BRAF: variants seen among roughly 807,000 people sequenced by gnomAD.
BRAF encodes the protein serine/threonine-protein kinase B-raf.
A neutral mutation model predicts 104.6 loss-of-function variants in BRAF; 16 were observed. The ratio of observed to expected loss-of-function variants is 0.15; its 90% CI spans 0.10 to 0.23. BRAF has a LOEUF of 0.23. Among genes scored for constraint, BRAF ranks in the 10% least tolerant of loss-of-function variants. The pLI, the probability that BRAF is intolerant of heterozygous loss-of-function variation, is 1.00. For missense variants in BRAF, 541 were observed against 937.3 expected (o/e 0.58, Z 5.52); for synonymous variants, 310 against 341.6 (o/e 0.91, Z 1.02).
At position 140,721,987 on chromosome 7, in the gene BRAF, T is replaced by A. The variant is rs1795346186; in HGVS notation, c.*4507A>T. 6 of 1,191,180 alleles carry A rather than the reference T, an allele frequency of 5.0e-6. No homozygotes were observed. The highest frequency in any genetic ancestry group is 6.2e-6 in the Non-Finnish European group (6 of 962,386). 73.8% of individuals were successfully genotyped at this position (1,191,180 alleles called of 1,614,324 possible). On this transcript the variant is annotated 3_prime_UTR_variant, in exon 20 of 20. Coordinates refer to ENST00000644969, the MANE Select transcript of BRAF (RefSeq NM_001374258.1). ...TGGAAACTGATAAAACCAAATTCGGTCCTATATTTCAATTTCCCCTTCTAA... is the reference window on the plus strand; with the variant it reads ...TGGAAACTGATAAAACCAAATTCGGACCTATATTTCAATTTCCCCTTCTAA...
chr7:140,856,134 A>G (rs1809752570), intron 1 of BRAF, among the ~76,000 whole-genome samples: 1 of 149,442 alleles, frequency 6.7e-6, no homozygotes, highest in Admixed American at 6.7e-5. Flanking sequence ...TATATATATT[A>G]AAAGCAAGAA....
intron 3 of BRAF, among the ~76,000 whole-genome samples, chr7:140,814,140 T>C (rs1043344687): frequency 5.3e-5 from 8 of 152,170 alleles, no homozygotes; most frequent in Admixed American, 1.3e-4. Context: ...TATCTTTGAT[T>C]AGCTTGTCAG....
intron 19 of BRAF, chr7:140,732,110 G>A (rs1796015312): frequency 7.6e-6 from 1 of 131,000 alleles, no homozygotes; most frequent in South Asian, 2.6e-4. Context: ...GGCGGAGCTT[G>A]CAGTGAGCCG....
chr7:140,727,177 AT>A (rs71737205), intron 19 of BRAF, among the ~76,000 whole-genome samples: 4 of 110,708 alleles, frequency 3.6e-5, no homozygotes, highest in Admixed American at 8.1e-5. Flanking sequence ...TCATGCCATT[AT>A]TTTTTTCTTT....
chr7:140,761,763 A>C (rs1390268781), intron 14 of BRAF, among the ~76,000 whole-genome samples: 1 of 152,194 alleles, frequency 6.6e-6, no homozygotes, highest in African/African-American at 2.4e-5. Context: ...AACAGACTTT[A>C]AACCAACAAA....
At chr7:140,742,798 G>C (rs980499919) in intron 17 of BRAF, among the ~76,000 whole-genome samples, 11 of 151,854 alleles carry the variant, frequency 7.2e-5, no homozygotes, top group Admixed American at 7.2e-4. Flanking sequence ...CTACAAAATG[G>C]GAGAAAATTT....
At chr7:140,888,074 G>C (rs932516960) in intron 1 of BRAF, among the ~76,000 whole-genome samples, 31 of 152,136 alleles carry the variant, frequency 2.0e-4, no homozygotes, top group African/African-American at 7.2e-4. Flanking sequence ...GGGTTTCACT[G>C]TGTTTAGTCA....
At chr7:140,897,451 G>GAGA (rs143004732) in intron 1 of BRAF, among the ~76,000 whole-genome samples, 1,733 of 150,120 alleles carry the variant, frequency 0.012, 16 homozygotes, top group South Asian at 0.025. Context: ...AGACAATATA[G>GAGA]AGAATATGCT....
intron 1 of BRAF, among the ~76,000 whole-genome samples, chr7:140,878,988 C>A (rs1004489928): frequency 2.0e-5 from 3 of 152,082 alleles, no homozygotes; most frequent in Admixed American, 1.3e-4. Flanking sequence ...GATTCTCCTG[C>A]CTTAGCCTCC....
intron 14 of BRAF, among the ~76,000 whole-genome samples, chr7:140,759,266 A>G (rs1328343294): frequency 6.6e-6 from 1 of 152,262 alleles, no homozygotes; most frequent in Non-Finnish European, 1.5e-5. Context: ...TTTAACTTTA[A>G]AAGAAACTGC....
chr7:140,789,387 T>A (rs1483655907), intron 8 of BRAF, among the ~76,000 whole-genome samples: 1 of 152,148 alleles, frequency 6.6e-6, no homozygotes, highest in Non-Finnish European at 1.5e-5. Flanking sequence ...CTCTGAATAG[T>A]CTCTGCAAAT....
At chr7:140,761,673 A>G (rs1798754751) in intron 14 of BRAF, among the ~76,000 whole-genome samples, 1 of 152,192 alleles carries the variant, frequency 6.6e-6, no homozygotes, top group African/African-American at 2.4e-5. Flanking sequence ...ACATAGGCTC[A>G]AAATAAAAGG....
intron 1 of BRAF, among the ~76,000 whole-genome samples, chr7:140,918,670 G>GA (rs1360946893): frequency 6.6e-6 from 1 of 152,004 alleles, no homozygotes; most frequent in Non-Finnish European, 1.5e-5. Flanking sequence ...GTGACCGGCA[G>GA]AAAAAAAGAA....
chr7:140,840,506 C>T (rs563572318), intron 2 of BRAF, among the ~76,000 whole-genome samples: 2 of 151,996 alleles, frequency 1.3e-5, no homozygotes, highest in South Asian at 4.2e-4. Flanking sequence ...ATAAAGAACT[C>T]CTGGCCAGGT....
chr7:140,842,755 T>C (rs1440477710), intron 2 of BRAF, among the ~76,000 whole-genome samples: 1 of 152,170 alleles, frequency 6.6e-6, no homozygotes. Context: ...GAAGACAAAT[T>C]TGAAATTCTT....
rs1037323084 is a variant in BRAF at position 140,809,015 on chromosome 7, T to C, written c.505-20A>G. ...AGGTACCTATGGTATCATAAATATA[T>C]TGATAAGAGGTAAAGGGAGCAAATT... On this transcript the variant is annotated intron_variant, in intron 3 of 19. Transcript: ENST00000644969. 6.3e-7 allele frequency: 1 copy of C among 1,576,786 alleles called. No individual in the cohort carries two copies. The highest frequency in any genetic ancestry group is 1.7e-5 in the Admixed American group (1 of 59,934).
At position 140,723,023 on chromosome 7, in the gene BRAF, C is replaced by T. The variant is rs962836201; in HGVS notation, c.*3471G>A. On this transcript the variant is annotated 3_prime_UTR_variant, in exon 20 of 20. Transcript: ENST00000644969. ...CTTAAATCATCGTCATGTTCTAGAG[C>T]TCCTGACTTTTCATATTTTAAAATA... 6.7e-6 allele frequency: 7 copies of T among 1,052,374 alleles called. No homozygotes were observed. The South Asian group carries it at 1.4e-4, about 21-fold the overall frequency. 65.2% of individuals were successfully genotyped at this position (1,052,374 alleles called of 1,614,324 possible). A position where few individuals can be genotyped will look rare whatever the true frequency, so the allele number is the denominator to read the frequency against.
chr7:140,777,417 A>G (rs1395863159), intron 13 of BRAF, among the ~76,000 whole-genome samples: 1 of 152,160 alleles, frequency 6.6e-6, no homozygotes, highest in Admixed American at 6.5e-5. Context: ...CCAAGTGTTG[A>G]GACAAAATCA....
At chr7:140,884,133 C>T (rs1224074731) in intron 1 of BRAF, 1 of 152,006 alleles carries the variant, frequency 6.6e-6, no homozygotes, top group Non-Finnish European at 1.5e-5. Context: ...AGGCATGGCC[C>T]TTGCCTAAGA....
Sources: allele counts gnomAD v4.1 joint callset (sites outside exome capture counted in the v4.1 genomes callset), GRCh38; gene constraint gnomAD v4.1.1; transcripts MANE v1.5; gene names NCBI Gene and HGNC (gene_info 2026-07-23, HGNC 2026-07-21).